Variants in KCNQ5 observed in about 807,000 individuals in gnomAD.
The protein encoded by KCNQ5 is potassium voltage-gated channel subfamily KQT member 5.
KCNQ5 carries 30 observed loss-of-function variants against 98.2 expected under a neutral mutation model. The ratio of observed to expected loss-of-function variants is 0.31; its 90% CI spans 0.23 to 0.41. KCNQ5 has a LOEUF of 0.41. Ranked by LOEUF, KCNQ5 falls within the 10% of genes least tolerant of loss-of-function variation. The pLI is 1.00. For missense variants in KCNQ5, 835 were observed against 1,182.5 expected, an observed-to-expected ratio of 0.71 and a Z score of 4.31; for synonymous variants, 458 against 449.4, an observed-to-expected ratio of 1.02 and a Z score of -0.24.
chr6:72,853,502 C>A (rs532100629), intron 1 of KCNQ5, among the ~76,000 whole-genome samples: 1 of 152,062 alleles, frequency 6.6e-6, no homozygotes, highest in Non-Finnish European at 1.5e-5. Flanking sequence ...TGCCACTACG[C>A]CTGGCTAATT....
At chr6:72,749,545 G>A (rs536690510) in intron 1 of KCNQ5, among the ~76,000 whole-genome samples, 5 of 152,122 alleles carry the variant, frequency 3.3e-5, no homozygotes, top group South Asian at 4.1e-4. Flanking sequence ...CTGCTCACAA[G>A]TAGCCAAAGG....
intron 1 of KCNQ5, among the ~76,000 whole-genome samples, chr6:72,670,522 C>T (rs1582086828): frequency 6.6e-6 from 1 of 152,082 alleles, no homozygotes; most frequent in African/African-American, 2.4e-5. Flanking sequence ...TTCTTAATCC[C>T]AAAATCTGTC....
At chr6:72,931,891 T>C (rs1323842514) in intron 1 of KCNQ5, among the ~76,000 whole-genome samples, 1 of 152,178 alleles carries the variant, frequency 6.6e-6, no homozygotes, top group East Asian at 1.9e-4. Flanking sequence ...GGAGGAATAC[T>C]GGACTGAAAA....
intron 1 of KCNQ5, among the ~76,000 whole-genome samples, chr6:72,794,759 G>C (rs1774242885): frequency 6.6e-6 from 1 of 152,142 alleles, no homozygotes; most frequent in South Asian, 2.1e-4. Flanking sequence ...ATAAAACAAA[G>C]CAAGAGACCA....
intron 1 of KCNQ5, among the ~76,000 whole-genome samples, chr6:72,931,783 C>T (rs143537091): frequency 3.9e-5 from 6 of 152,166 alleles, no homozygotes; most frequent in African/African-American, 1.4e-4. Context: ...AATTGCCTCA[C>T]ACTTTGCCTC....
Position 72,831,552 on chromosome 6 carries a change from C to G in KCNQ5, c.399-172356C>G, listed in dbSNP as rs547082527. Among the ~76,000 whole-genome samples, 9 of 142,598 alleles carry G rather than the reference C, an allele frequency of 6.3e-5. No individual in the cohort carries two copies. The Admixed American group carries it at 6.7e-4, about 11-fold the overall frequency. 93.5% of individuals were successfully genotyped at this position (142,598 alleles called of 152,430 possible). On this transcript the variant is annotated intron_variant, in intron 1 of 13. Coordinates refer to ENST00000370398, the MANE Select transcript of KCNQ5 (RefSeq NM_019842.4). ...AATGAGAACACTTGGACACAGGAAG[C>G]GGAACATCACACACCGGGGCCTGTC...
intron 1 of KCNQ5, among the ~76,000 whole-genome samples, chr6:72,892,118 T>C (rs955033261): frequency 1.1e-4 from 17 of 152,126 alleles, no homozygotes; most frequent in African/African-American, 2.9e-4. Context: ...AAGATTTCTC[T>C]CTCCCCTCAA....
At chr6:72,962,242 T>C (rs905943424) in intron 1 of KCNQ5, among the ~76,000 whole-genome samples, 28 of 140,940 alleles carry the variant, frequency 2.0e-4, no homozygotes, top group Non-Finnish European at 3.4e-4. Flanking sequence ...TATATACACA[T>C]ATATATATAC....
intron 1 of KCNQ5, among the ~76,000 whole-genome samples, chr6:72,892,912 C>G (rs1779112336): frequency 6.6e-6 from 1 of 151,938 alleles, no homozygotes. Context: ...CATATAAGCT[C>G]TTAAAGCAGA....
chr6:73,089,242 A>T (rs912285474), intron 5 of KCNQ5, among the ~76,000 whole-genome samples: 1 of 152,218 alleles, frequency 6.6e-6, no homozygotes, highest in African/African-American at 2.4e-5. Flanking sequence ...AATTTAATCA[A>T]TATACAATAT....
chr6:72,655,558 A>T (rs185759089), intron 1 of KCNQ5, among the ~76,000 whole-genome samples: 1 of 152,210 alleles, frequency 6.6e-6, no homozygotes, highest in East Asian at 1.9e-4. Context: ...CGGATGAGGA[A>T]CAACATGGGC....
At chr6:72,654,563 A>G (rs893806088) in intron 1 of KCNQ5, among the ~76,000 whole-genome samples, 26 of 152,066 alleles carry the variant, frequency 1.7e-4, no homozygotes, top group African/African-American at 5.6e-4. Flanking sequence ...GAGAGGAGAA[A>G]AGAAAAGTCC....
chr6:72,825,167 T>C (rs971036688), intron 1 of KCNQ5, among the ~76,000 whole-genome samples: 1 of 151,832 alleles, frequency 6.6e-6, no homozygotes, highest in Non-Finnish European at 1.5e-5. Flanking sequence ...AAAACGAACA[T>C]TTAGGCTGGG....
chr6:72,861,001 C>G (rs1240730222), intron 1 of KCNQ5, among the ~76,000 whole-genome samples: 1 of 151,988 alleles, frequency 6.6e-6, no homozygotes, highest in Non-Finnish European at 1.5e-5. Context: ...ATATTAGAAG[C>G]TTTATCTGAA....
intron 1 of KCNQ5, among the ~76,000 whole-genome samples, chr6:72,961,621 CAAAAA>C (rs56813781): frequency 1.5e-5 from 1 of 68,674 alleles, no homozygotes. Flanking sequence ...GACTCCGTCT[CAAAAA>C]AAAAAAAAAA....
chr6:73,050,600 C>T (rs566119109), intron 3 of KCNQ5, among the ~76,000 whole-genome samples: 1 of 152,164 alleles, frequency 6.6e-6, no homozygotes, highest in Non-Finnish European at 1.5e-5. Flanking sequence ...TACATGCGCT[C>T]AATTTTTATA....
intron 1 of KCNQ5, among the ~76,000 whole-genome samples, chr6:72,697,023 AT>A (rs1183377809): frequency 2.0e-5 from 3 of 152,178 alleles, no homozygotes; most frequent in Non-Finnish European, 4.4e-5. Flanking sequence ...TCATTCTTTA[AT>A]TTCATATCTT....
At chr6:73,194,200 A>G (rs1169876132) in intron 13 of KCNQ5, among the ~76,000 whole-genome samples, 2 of 152,180 alleles carry the variant, frequency 1.3e-5, no homozygotes, top group Admixed American at 6.5e-5. Context: ...GGCACTATTT[A>G]AAGAAGTGGT....
At chr6:72,927,112 T>G (rs538490357) in intron 1 of KCNQ5, among the ~76,000 whole-genome samples, 13 of 152,194 alleles carry the variant, frequency 8.5e-5, no homozygotes, top group Non-Finnish European at 1.5e-4. Flanking sequence ...AGGAATTAAA[T>G]TTTATAAAAC....
Sources: gnomAD v4.1 joint callset for allele counts (sites outside exome capture counted in the v4.1 genomes callset) on GRCh38, gnomAD v4.1.1 for gene constraint, MANE v1.5 for transcripts, NCBI Gene and HGNC (gene_info 2026-07-23, HGNC 2026-07-21) for gene names.